Variants in PDSS2 observed in about 807,000 individuals in gnomAD.
PDSS2 encodes the protein decaprenyl diphosphate synthase subunit 2.
Under a neutral mutation model 44.5 loss-of-function variants are expected in PDSS2, and 31 were observed. The observed-to-expected ratio is 0.70, with a 90% CI of 0.52 to 0.94. The LOEUF is 0.94. Among genes scored for constraint, PDSS2 ranks in the 40% least tolerant of loss-of-function variants. The probability of loss-of-function intolerance (pLI) is 0.00; values close to 1 mark genes in which losing one functional copy is unlikely to be tolerated. For synonymous variants in PDSS2, 157 were observed against 180.3 expected (o/e 0.87, Z 1.03); for missense variants, 452 against 482.2 (o/e 0.94, Z 0.59).
intron 6 of PDSS2, among the ~76,000 whole-genome samples, chr6:107,207,887 G>A (rs868368903): frequency 2.6e-5 from 4 of 151,486 alleles, no homozygotes; most frequent in Middle Eastern, 6.8e-3. Context: ...TGGGATTACA[G>A]GCATGAGCCA....
chr6:107,229,108 T>A (rs113880233), intron 4 of PDSS2, among the ~76,000 whole-genome samples: 1 of 152,198 alleles, frequency 6.6e-6, no homozygotes, highest in Non-Finnish European at 1.5e-5. Flanking sequence ...TACACTTTTT[T>A]AAAAAACAGC....
At chr6:107,221,095 C>A in intron 4 of PDSS2, among the ~76,000 whole-genome samples, 1 of 152,200 alleles carries the variant, frequency 6.6e-6, no homozygotes, top group East Asian at 1.9e-4. Context: ...GTAATCCCAA[C>A]ACTTCGGGAG....
chr6:107,402,453 CAT>C (rs1199498025), intron 1 of PDSS2, among the ~76,000 whole-genome samples: 7 of 6,626 alleles, frequency 1.1e-3, no homozygotes, highest in African/African-American at 1.5e-3. Flanking sequence ...CACACACACA[CAT>C]ATATATACGT....
chr6:107,223,097 C>T lies in PDSS2; in HGVS notation c.703-10815G>A, dbSNP rs1433766563. Among the ~76,000 whole-genome samples, 24 of 149,288 alleles carry T rather than the reference C, an allele frequency of 1.6e-4. No individual in the cohort carries two copies. The South Asian group carries it at 1.7e-3, about 10-fold the overall frequency. ...CTGAGTAGCTGGGATTACAGGTGTG[C>T]GTCACCACACCCAGATAATTTTTTG... On this transcript the variant is annotated intron_variant, in intron 4 of 7. Coordinates refer to ENST00000369037, the MANE Select transcript of PDSS2 (RefSeq NM_020381.4).
At chr6:107,287,591 G>A (rs1776198640) in intron 2 of PDSS2, among the ~76,000 whole-genome samples, 2 of 151,426 alleles carry the variant, frequency 1.3e-5, no homozygotes, top group South Asian at 2.1e-4. Context: ...GTGCAATCTC[G>A]GCTCACTGCA....
At chr6:107,427,999 C>T (rs950919889) in intron 1 of PDSS2, among the ~76,000 whole-genome samples, 8 of 152,150 alleles carry the variant, frequency 5.3e-5, no homozygotes, top group African/African-American at 1.7e-4. Flanking sequence ...AGAGGTTGTG[C>T]ACCAGCTGAT....
At chr6:107,270,764 T>A (rs773260917) in intron 3 of PDSS2, among the ~76,000 whole-genome samples, 8 of 152,198 alleles carry the variant, frequency 5.3e-5, no homozygotes, top group Non-Finnish European at 7.3e-5. Context: ...GAATTTCCAA[T>A]CTCACTCACA....
chr6:107,392,706 T>C (rs1374800047), intron 1 of PDSS2, among the ~76,000 whole-genome samples: 6 of 152,190 alleles, frequency 3.9e-5, no homozygotes, highest in Admixed American at 1.3e-4. Context: ...AGTTCATCAG[T>C]ATTGATACAG....
intron 1 of PDSS2, among the ~76,000 whole-genome samples, chr6:107,406,551 A>G (rs1780326656): frequency 6.6e-6 from 1 of 152,230 alleles, no homozygotes; most frequent in African/African-American, 2.4e-5. Context: ...ATCTGATGAT[A>G]AAAAGTATGT....
chr6:107,195,989 T>A (rs928234367), intron 6 of PDSS2, among the ~76,000 whole-genome samples: 2 of 152,222 alleles, frequency 1.3e-5, no homozygotes, highest in African/African-American at 2.4e-5. Flanking sequence ...CTGCAACCAA[T>A]CTACTATAAA....
At chr6:107,299,708 C>A (rs1412226254) in intron 2 of PDSS2, among the ~76,000 whole-genome samples, 3 of 152,130 alleles carry the variant, frequency 2.0e-5, no homozygotes, top group Non-Finnish European at 4.4e-5. Flanking sequence ...TAAATGAAAC[C>A]CCACTTTCAC....
At position 107,351,243 on chromosome 6, in the gene PDSS2, T is replaced by G. The variant is rs1410729143; in HGVS notation, c.297-16911A>C. Among the ~76,000 whole-genome samples the G allele has an allele frequency of 3.9e-5, 6 of 152,216 alleles. No homozygotes were observed. The South Asian group carries it at 1.0e-3, about 26-fold the overall frequency. ...CAGATATGAATAACAGATATTTGTA[T>G]GCCCAAATGTAGAAAATGACTTCTC... On this transcript the variant is annotated intron_variant, in intron 1 of 7. Coordinates refer to ENST00000369037, the MANE Select transcript of PDSS2 (RefSeq NM_020381.4).
At chr6:107,163,891 T>C (rs1488810912) in intron 7 of PDSS2, among the ~76,000 whole-genome samples, 4 of 152,160 alleles carry the variant, frequency 2.6e-5, no homozygotes, top group African/African-American at 9.7e-5. Flanking sequence ...GTGTGAGCCA[T>C]CACGCCCAGC....
intron 7 of PDSS2, among the ~76,000 whole-genome samples, chr6:107,184,037 C>T (rs10457161): frequency 0.31 from 46,420 of 151,904 alleles, 7,489 homozygotes; most frequent in East Asian, 0.53. Context: ...AGAAAAAATA[C>T]ATCTTTGCGG....
chr6:107,359,642 GGAGA>G (rs76647834), intron 1 of PDSS2, among the ~76,000 whole-genome samples: 13 of 148,748 alleles, frequency 8.7e-5, no homozygotes, highest in African/African-American at 2.7e-4. Flanking sequence ...AAAAAAAAAG[GGAGA>G]GAGAGAGAGA....
intron 4 of PDSS2, among the ~76,000 whole-genome samples, chr6:107,216,212 A>T (rs1278214783): frequency 6.6e-6 from 1 of 151,680 alleles, no homozygotes; most frequent in East Asian, 1.9e-4. Context: ...GGTGGCTCAC[A>T]CCTGTAATCC....
At chr6:107,347,249 A>G (rs904611818) in intron 1 of PDSS2, among the ~76,000 whole-genome samples, 9 of 142,200 alleles carry the variant, frequency 6.3e-5, no homozygotes, top group South Asian at 2.2e-4. Flanking sequence ...CCCTAAAATT[A>G]TATCTTCTTT....
At chr6:107,389,765 A>T (rs1279589475) in intron 1 of PDSS2, among the ~76,000 whole-genome samples, 5 of 152,178 alleles carry the variant, frequency 3.3e-5, no homozygotes, top group Non-Finnish European at 7.4e-5. Flanking sequence ...AGAAGCAATG[A>T]TCATATCCAC....
chr6:107,219,389 G>C (rs1305059222), intron 4 of PDSS2, among the ~76,000 whole-genome samples: 1 of 152,134 alleles, frequency 6.6e-6, no homozygotes, highest in East Asian at 1.9e-4. Flanking sequence ...CCAGGTTCAA[G>C]CAATTCTCCT....
Sources: gnomAD v4.1 joint callset for allele counts (sites outside exome capture counted in the v4.1 genomes callset) on GRCh38, gnomAD v4.1.1 for gene constraint, MANE v1.5 for transcripts, NCBI Gene and HGNC (gene_info 2026-07-23, HGNC 2026-07-21) for gene names.